SAV1: variants seen among roughly 807,000 people sequenced by gnomAD.
The protein encoded by SAV1 is protein salvador homolog 1.
A neutral mutation model predicts 47.3 loss-of-function variants in SAV1; 23 were observed. The observed-to-expected ratio is 0.49, with a 90% CI of 0.35 to 0.69. The LOEUF (loss-of-function observed/expected upper bound fraction) is 0.69. SAV1 is among the 30% of genes least tolerant of loss of function. The probability of loss-of-function intolerance (pLI) is 0.01; values close to 1 mark genes in which losing one functional copy is unlikely to be tolerated. For missense variants in SAV1, 448 were observed against 457.4 expected (o/e 0.98, Z 0.19); for synonymous variants, 155 against 159.2 (o/e 0.97, Z 0.20).
At chr14:50,647,566 C>T (rs576363557) in intron 2 of SAV1, among the ~76,000 whole-genome samples, 10 of 151,226 alleles carry the variant, frequency 6.6e-5, no homozygotes, top group Non-Finnish European at 1.3e-4. Flanking sequence ...AACCCCTTCT[C>T]TCAAAACAAA....
intron 1 of SAV1, among the ~76,000 whole-genome samples, chr14:50,667,004 C>A (rs529813013): frequency 6.6e-6 from 1 of 152,100 alleles, no homozygotes; most frequent in Admixed American, 6.5e-5. Flanking sequence ...CACAAGGTTA[C>A]TACCAGCTTC....
chr14:50,654,542 C>CA (rs2039796396), intron 2 of SAV1, among the ~76,000 whole-genome samples: 1 of 152,140 alleles, frequency 6.6e-6, no homozygotes, highest in Admixed American at 6.6e-5. Context: ...CACAGATCAC[C>CA]ATAACAGGCA....
chr14:50,650,685 A>C (rs1283872604), intron 2 of SAV1, among the ~76,000 whole-genome samples: 2 of 152,222 alleles, frequency 1.3e-5, no homozygotes, highest in Admixed American at 6.5e-5. Context: ...GCCTTCAGCC[A>C]GAACTGAAGC....
intron 2 of SAV1, chr14:50,664,961 TACATA>T (rs2039888577): frequency 2.0e-6 from 1 of 512,446 alleles, no homozygotes; most frequent in Non-Finnish European, 3.1e-6. Context: ...ATACCAAGTT[TACATA>T]ACATGAGTTA....
intron 4 of SAV1, among the ~76,000 whole-genome samples, chr14:50,638,257 A>T (rs142248757): frequency 9.2e-5 from 14 of 152,282 alleles, no homozygotes; most frequent in African/African-American, 2.9e-4. Context: ...TTAACTAGCC[A>T]AGAAATTTGC....
In SAV1 at chr14:50,633,633, G is replaced by A. The variant is rs754268725; in HGVS notation, c.*1550C>T. 1 of 152,424 alleles carries A rather than the reference G, an allele frequency of 6.6e-6. No homozygotes were observed. The highest frequency in any genetic ancestry group is 2.1e-4 in the South Asian group (1 of 4,820). 9.4% of individuals were successfully genotyped at this position (152,424 alleles called of 1,614,324 possible). ...TAAAACATGGACTCAAAAACCACGC[G>A]CTTAGTTTCCACAAAAATATATTTA... On this transcript the variant is annotated 3_prime_UTR_variant, in exon 5 of 5. Coordinates refer to ENST00000324679, the MANE Select transcript of SAV1 (RefSeq NM_021818.4).
At chr14:50,653,761 C>A (rs2934690) in intron 2 of SAV1, among the ~76,000 whole-genome samples, 1 of 151,498 alleles carries the variant, frequency 6.6e-6, no homozygotes, top group African/African-American at 2.4e-5. Context: ...CCCAGCTACT[C>A]GGGAGGCTGA....
chr14:50,651,683 G>A (rs1019723064), intron 2 of SAV1, among the ~76,000 whole-genome samples: 1 of 152,180 alleles, frequency 6.6e-6, no homozygotes. Context: ...CTGGAGTGCA[G>A]TGGCACAATT....
chr14:50,634,530 T>A lies in SAV1; in HGVS notation c.*653A>T. The A allele has an allele frequency of 6.3e-6, 1 of 159,304 alleles. No individual in the cohort carries two copies. Among genetic ancestry groups the A allele is most frequent in the Non-Finnish European group, 1.4e-5 (1 of 72,852 alleles). 9.9% of individuals were successfully genotyped at this position (159,304 alleles called of 1,614,324 possible). ...TACCCGGCTAATTTTTTTGTATTTT[T>A]TGTAGAGATGGGGCTTCACCATGTT... On this transcript the variant is annotated 3_prime_UTR_variant, in exon 5 of 5. Transcript: ENST00000324679.
At chr14:50,663,719 C>T (rs965113969) in intron 2 of SAV1, among the ~76,000 whole-genome samples, 5 of 152,058 alleles carry the variant, frequency 3.3e-5, no homozygotes, top group African/African-American at 1.2e-4. Context: ...CCCACTGGTA[C>T]CTGCAATCCT....
At position 50,635,188 on chromosome 14, in the gene SAV1, A is replaced by T. The variant is rs752606612; in HGVS notation, c.1147T>A (p.Phe383Ile). The change falls in exon 5 of 5, where the codon TTT (phenylalanine) becomes ATT (isoleucine). Residue 383 changes from phenylalanine (F) to isoleucine (I), a missense_variant. Transcript: ENST00000324679. ...TAAATTTTTAAAAAATCAGCTCAAA[A>T]ATTTTTTCCATGTTGTTGGGCATAC... is the stretch of plus-strand genomic sequence containing the variant. ...QWYAQQHGKN[F>I] is the part of the protein sequence containing the mutation. 1 of 1,610,638 alleles carries T rather than the reference A, an allele frequency of 6.2e-7. No individual in the cohort carries two copies. Among genetic ancestry groups the T allele is most frequent in the African/African-American group, 1.3e-5 (1 of 74,874 alleles).
intron 2 of SAV1, among the ~76,000 whole-genome samples, chr14:50,655,175 C>T (rs569975382): frequency 8.5e-5 from 13 of 152,142 alleles, no homozygotes; most frequent in Non-Finnish European, 1.6e-4. Flanking sequence ...CACATGTACA[C>T]AGCAAATGAC....
chr14:50,650,397 G>GA (rs1408221710), intron 2 of SAV1, among the ~76,000 whole-genome samples: 1 of 152,128 alleles, frequency 6.6e-6, no homozygotes, highest in Non-Finnish European at 1.5e-5. Context: ...TGTATTATGT[G>GA]AAAAAAGAGT....
intron 1 of SAV1, among the ~76,000 whole-genome samples, chr14:50,666,082 C>T (rs1219147596): frequency 6.6e-6 from 1 of 152,178 alleles, no homozygotes; most frequent in Non-Finnish European, 1.5e-5. Flanking sequence ...AAAAATAGAA[C>T]TTAATGCTAC....
At position 50,649,863 on chromosome 14, in the gene SAV1, T is replaced by C. The variant is rs77656281; in HGVS notation, c.536-4849A>G. On this transcript the variant is annotated intron_variant, in intron 2 of 4. Coordinates refer to ENST00000324679, the MANE Select transcript of SAV1 (RefSeq NM_021818.4). ...CCAAATTTAGAATATCTCAGAATGG[T>C]CAAAATAAGAAAGACTGGGTGACCA... 8.8e-3 allele frequency among the ~76,000 whole-genome samples: 1,333 copies of C among 152,168 alleles called. 14 individuals carry two copies. Among genetic ancestry groups the C allele is most frequent in the African/African-American group, 0.03 (1,248 of 41,498 alleles).
chr14:50,647,705 C>T (rs1260666730), intron 2 of SAV1, among the ~76,000 whole-genome samples: 2 of 151,700 alleles, frequency 1.3e-5, no homozygotes, highest in African/African-American at 4.8e-5. Flanking sequence ...CATAATTAGC[C>T]GTGAGAGAAA....
chr14:50,661,413 T>C (rs975705949), intron 2 of SAV1, among the ~76,000 whole-genome samples: 1 of 152,242 alleles, frequency 6.6e-6, no homozygotes, highest in Non-Finnish European at 1.5e-5. Context: ...CTTCATTCTG[T>C]TGTTTCCTTT....
intron 2 of SAV1, 132 bp from the exon 3 acceptor site, chr14:50,645,146 T>A: frequency 1.3e-6 from 1 of 759,088 alleles, no homozygotes; most frequent in Non-Finnish European, 2.1e-6. Context: ...TTATGCCCAT[T>A]ATGATGGTTT....
chr14:50,650,789 A>C (rs989444777), intron 2 of SAV1, among the ~76,000 whole-genome samples: 1 of 152,182 alleles, frequency 6.6e-6, no homozygotes, highest in Non-Finnish European at 1.5e-5. Flanking sequence ...TGGGAGGCCA[A>C]GGTGGATGGA....
Sources: allele counts gnomAD v4.1 joint callset (sites outside exome capture counted in the v4.1 genomes callset), GRCh38; gene constraint gnomAD v4.1.1; transcripts MANE v1.5; gene names NCBI Gene and HGNC (gene_info 2026-07-23, HGNC 2026-07-21).